IQCJ: variants seen among roughly 807,000 people sequenced by gnomAD.
IQCJ encodes the protein IQ domain-containing protein J.
A neutral mutation model predicts 11.0 loss-of-function variants in IQCJ; 9 were observed. That is an observed-to-expected ratio of 0.82 (90% CI 0.49 to 1.43). The LOEUF is 1.43. IQCJ is among the 40% of genes most tolerant of loss of function. The pLI is 0.00. For missense variants in IQCJ, 146 were observed against 133.2 expected, an observed-to-expected ratio of 1.10 and a Z score of -0.47; for synonymous variants, 55 against 51.3, an observed-to-expected ratio of 1.07 and a Z score of -0.31.
intron 1 of IQCJ, among the ~76,000 whole-genome samples, chr3:159,133,134 G>C (rs1324070723): frequency 1.3e-5 from 2 of 152,150 alleles, no homozygotes; most frequent in South Asian, 2.1e-4. Flanking sequence ...TGTAAGAAAA[G>C]CTGGGCCCTT....
At chr3:159,168,967 C>CAGGATG (rs1722330035) in intron 1 of IQCJ, among the ~76,000 whole-genome samples, 1 of 148,910 alleles carries the variant, frequency 6.7e-6, no homozygotes, top group Non-Finnish European at 1.5e-5. Context: ...ACGATGAAGA[C>CAGGATG]ATGATGATGA....
At chr3:159,183,407 C>A (rs926715841) in intron 1 of IQCJ, among the ~76,000 whole-genome samples, 2 of 152,062 alleles carry the variant, frequency 1.3e-5, no homozygotes, top group Admixed American at 1.3e-4. Flanking sequence ...CTTCTTCATG[C>A]CCTCTCTATA....
Position 159,208,277 on chromosome 3 carries a change from CCTGTG to C in IQCJ, c.10-37565_10-37561del, listed in dbSNP as rs563811658. 2.5e-3 allele frequency among the ~76,000 whole-genome samples: 378 copies of C among 152,308 alleles called. 1 individual carries two copies. The highest frequency in any genetic ancestry group is 0.01 in the Middle Eastern group (3 of 294). On this transcript the variant is annotated intron_variant, in intron 1 of 3. Transcript: ENST00000397832. ...CCAACCTCATCCCAGCCCAGCCAGT[CCTGTG>C]GAATGCTTTGCGGTTTCCAAGCTGC...
chr3:159,164,944 A>C (rs1015652354), intron 1 of IQCJ, among the ~76,000 whole-genome samples: 1 of 152,182 alleles, frequency 6.6e-6, no homozygotes, highest in African/African-American at 2.4e-5. Flanking sequence ...TCATGGTCTA[A>C]TGTGGCTGCT....
chr3:159,259,734 A>G (rs757786850), intron 3 of IQCJ, among the ~76,000 whole-genome samples: 3 of 152,220 alleles, frequency 2.0e-5, no homozygotes, highest in Non-Finnish European at 4.4e-5. Flanking sequence ...TTAAAAAACA[A>G]TGTAGCAATT....
rs181938731 is a variant in IQCJ, at chr3:159,086,320, C to A, written c.9+16879C>A. On this transcript the variant is annotated intron_variant, in intron 1 of 3. Coordinates refer to ENST00000397832, the MANE Select transcript of IQCJ (RefSeq NM_001042706.3). ...TACCATGCTGTTTTGGTTATTGTAG[C>A]CTTGTAGTATAGTTTGAAGTCAGGT... is the stretch of plus-strand genomic sequence containing the variant. 5.6e-3 allele frequency among the ~76,000 whole-genome samples: 860 copies of A among 152,242 alleles called. 22 individuals carry two copies. The highest frequency in any genetic ancestry group is 0.054 in the Admixed American group (818 of 15,286).
chr3:159,129,066 C>A (rs965212199), intron 1 of IQCJ, among the ~76,000 whole-genome samples: 3 of 152,112 alleles, frequency 2.0e-5, no homozygotes, highest in Admixed American at 2.0e-4. Flanking sequence ...ACAAATTTTT[C>A]AACTTTTATG....
chr3:159,084,532 A>G (rs191663273), intron 1 of IQCJ, among the ~76,000 whole-genome samples: 401 of 152,220 alleles, frequency 2.6e-3, no homozygotes, highest in South Asian at 0.013. Context: ...TCCTGTAGAC[A>G]TGTTCCTTAT....
intron 1 of IQCJ, among the ~76,000 whole-genome samples, chr3:159,225,250 A>G (rs943710955): frequency 1.3e-5 from 2 of 152,222 alleles, no homozygotes; most frequent in Admixed American, 1.3e-4. Flanking sequence ...AAGTGAATGG[A>G]CCTCCACAAA....
chr3:159,087,755 G>A (rs370486108), intron 1 of IQCJ, among the ~76,000 whole-genome samples: 13 of 150,732 alleles, frequency 8.6e-5, no homozygotes, highest in African/African-American at 1.2e-4. Flanking sequence ...CTGTGGGATC[G>A]GTGGTGATAT....
intron 1 of IQCJ, among the ~76,000 whole-genome samples, chr3:159,088,207 GT>G (rs913977419): frequency 9.9e-4 from 151 of 152,210 alleles, no homozygotes; most frequent in African/African-American, 3.6e-3. Flanking sequence ...AGGTTGTTCA[GT>G]TTCCATGTAG....
intron 1 of IQCJ, among the ~76,000 whole-genome samples, chr3:159,080,555 C>A (rs559329680): frequency 1.3e-5 from 2 of 152,218 alleles, no homozygotes; most frequent in South Asian, 4.1e-4. Context: ...TCTAATAAAC[C>A]GCGTTAGTGT....
At chr3:159,257,744 A>T (rs1258151875) in intron 3 of IQCJ, among the ~76,000 whole-genome samples, 7 of 152,252 alleles carry the variant, frequency 4.6e-5, no homozygotes, top group South Asian at 4.1e-4. Flanking sequence ...AGCTGCATAT[A>T]GAAAAATCAA....
intron 1 of IQCJ, among the ~76,000 whole-genome samples, chr3:159,190,168 G>A (rs1197499833): frequency 6.6e-6 from 1 of 152,154 alleles, no homozygotes; most frequent in Non-Finnish European, 1.5e-5. Context: ...TTAGCACCCT[G>A]CTCAGCTGCA....
intron 1 of IQCJ, among the ~76,000 whole-genome samples, chr3:159,214,111 C>T (rs1378199266): frequency 2.0e-5 from 3 of 152,184 alleles, no homozygotes; most frequent in Non-Finnish European, 4.4e-5. Context: ...AAGTTGCAGA[C>T]CTGTTTGCTG....
At chr3:159,230,468 A>G (rs1458852913) in intron 1 of IQCJ, among the ~76,000 whole-genome samples, 1 of 152,188 alleles carries the variant, frequency 6.6e-6, no homozygotes, top group African/African-American at 2.4e-5. Flanking sequence ...AATTTATGAT[A>G]CTTGATGTAT....
intron 1 of IQCJ, among the ~76,000 whole-genome samples, chr3:159,199,079 T>G (rs1724163391): frequency 6.6e-6 from 1 of 152,178 alleles, no homozygotes; most frequent in Admixed American, 6.5e-5. Context: ...AGTTTAACTG[T>G]TGTGTATTCA....
At chr3:159,157,404 G>T (rs1411195968) in intron 1 of IQCJ, among the ~76,000 whole-genome samples, 1 of 152,000 alleles carries the variant, frequency 6.6e-6, no homozygotes, top group Non-Finnish European at 1.5e-5. Context: ...TCTCATGATT[G>T]TCTTTATCTT....
At chr3:159,164,747 GAC>G (rs1216181953) in intron 1 of IQCJ, among the ~76,000 whole-genome samples, 1 of 152,140 alleles carries the variant, frequency 6.6e-6, no homozygotes, top group Non-Finnish European at 1.5e-5. Context: ...CAGCCTGGGT[GAC>G]AGAGAGAGAC....
Sources: gnomAD v4.1 joint callset for allele counts (sites outside exome capture counted in the v4.1 genomes callset) on GRCh38, gnomAD v4.1.1 for gene constraint, MANE v1.5 for transcripts, NCBI Gene and HGNC (gene_info 2026-07-23, HGNC 2026-07-21) for gene names.